Variants in KCNG3 observed in about 807,000 individuals in gnomAD.
KCNG3 encodes the protein voltage-gated potassium channel regulatory subunit KCNG3.
In KCNG3, 15 loss-of-function variants were observed where a neutral mutation model predicts 29.0. The observed-to-expected ratio is 0.52, with a 90% CI of 0.35 to 0.80. KCNG3 has a LOEUF of 0.80. KCNG3 is among the 30% of genes least tolerant of loss of function. The probability of loss-of-function intolerance (pLI) is 0.01; values close to 1 mark genes in which losing one functional copy is unlikely to be tolerated. For synonymous variants in KCNG3, 322 were observed against 248.9 expected, an observed-to-expected ratio of 1.29 and a Z score of -2.76; for missense variants, 512 against 605.7, an observed-to-expected ratio of 0.85 and a Z score of 1.62.
chr2:42,394,815 C>T, the KCNG3 span, among the ~76,000 whole-genome samples: 1 of 152,196 alleles, frequency 6.6e-6, no homozygotes, highest in Admixed American at 6.5e-5. Context: ...GACCTCCTGT[C>T]ACCGGCACAC....
chr2:42,456,798 G>A (rs528210370), intron 1 of KCNG3, among the ~76,000 whole-genome samples: 1 of 152,168 alleles, frequency 6.6e-6, no homozygotes, highest in East Asian at 1.9e-4. Context: ...TTTCTAACAG[G>A]CATGTACAAT....
chr2:42,448,989 C>A (rs1296487910), intron 1 of KCNG3, among the ~76,000 whole-genome samples: 2 of 150,418 alleles, frequency 1.3e-5, no homozygotes, highest in African/African-American at 4.9e-5. Context: ...AAAAAAAAAA[C>A]AAAACAAAAA....
At chr2:42,392,357 A>G in the KCNG3 span, among the ~76,000 whole-genome samples, 1 of 151,994 alleles carries the variant, frequency 6.6e-6, no homozygotes, top group Non-Finnish European at 1.5e-5. Context: ...TACAACCTGA[A>G]ACTTTGGGAT....
downstream of KCNG3, among the ~76,000 whole-genome samples, chr2:42,438,638 T>C (rs1162499102): frequency 6.6e-6 from 1 of 152,208 alleles, no homozygotes; most frequent in Non-Finnish European, 1.5e-5. Flanking sequence ...TCTAAGCAAA[T>C]AGTAGTAAAC....
the KCNG3 span, among the ~76,000 whole-genome samples, chr2:42,418,965 A>T: frequency 1.9e-3 from 285 of 152,288 alleles, no homozygotes; most frequent in Non-Finnish European, 3.5e-3. Context: ...TAGTAATAAC[A>T]GTCCTTTTTG....
At chr2:42,463,855 G>T in intron 1 of KCNG3, 3 of 271,902 alleles carry the variant, frequency 1.1e-5, no homozygotes, top group South Asian at 1.1e-4. Flanking sequence ...TGGCCTCAGT[G>T]TTGGCTGAGC....
chr2:42,403,841 T>TC, the KCNG3 span, among the ~76,000 whole-genome samples: 5 of 151,958 alleles, frequency 3.3e-5, no homozygotes, highest in African/African-American at 7.3e-5. Flanking sequence ...CCTCAAGTGA[T>TC]CCCCCCATCT....
chr2:42,461,867 A>G (rs957848682), intron 1 of KCNG3, among the ~76,000 whole-genome samples: 3 of 152,238 alleles, frequency 2.0e-5, no homozygotes, highest in Non-Finnish European at 2.9e-5. Flanking sequence ...ACAAAAAGTG[A>G]TAACAATTCT....
Position 42,474,338 on chromosome 2 carries a change from G to C in KCNG3, c.665+18499C>G, listed in dbSNP as rs375629923. 9.9e-4 allele frequency among the ~76,000 whole-genome samples: 151 copies of C among 152,122 alleles called. 2 individuals are homozygous for C. The highest frequency in any genetic ancestry group is 3.5e-3 in the African/African-American group (144 of 41,518). The stretch of plus-strand genomic sequence containing the variant: ...AGTTCAGGAGTTCGAGACCAGCCTG[G>C]CCAACGTGGTGAAACCCTGTCTCTA... On this transcript the variant is annotated intron_variant, in intron 1 of 1. Coordinates refer to ENST00000306078, the MANE Select transcript of KCNG3 (RefSeq NM_133329.6).
intron 1 of KCNG3, among the ~76,000 whole-genome samples, chr2:42,467,232 T>C (rs1031909845): frequency 1.3e-5 from 2 of 152,150 alleles, no homozygotes; most frequent in Non-Finnish European, 2.9e-5. Flanking sequence ...AATCTACACT[T>C]TGACATCTAT....
chr2:42,419,220 T>TTTTTTTG, the KCNG3 span, among the ~76,000 whole-genome samples: 1 of 27,456 alleles, frequency 3.6e-5, no homozygotes, highest in Admixed American at 5.5e-4. Context: ...ATGGTATCTC[T>TTTTTTTG]TTTTTTTTTT....
chr2:42,458,283 A>G (rs1672928500), intron 1 of KCNG3, among the ~76,000 whole-genome samples: 1 of 152,122 alleles, frequency 6.6e-6, no homozygotes, highest in Non-Finnish European at 1.5e-5. Flanking sequence ...TTTTCCTGCA[A>G]TCACCTCCAC....
chr2:42,468,589 A>G (rs192187542), intron 1 of KCNG3, among the ~76,000 whole-genome samples: 219 of 152,338 alleles, frequency 1.4e-3, no homozygotes, highest in African/African-American at 5.0e-3. Context: ...TTATTGAAAG[A>G]CATTAAAGAA....
At chr2:42,409,571 G>T in the KCNG3 span, among the ~76,000 whole-genome samples, 1 of 151,570 alleles carries the variant, frequency 6.6e-6, no homozygotes, top group Non-Finnish European at 1.5e-5. Context: ...AGGCATGGTG[G>T]TGTGCACCTG....
Position 42,493,680 on chromosome 2 carries a change from C to T in KCNG3, c.-179G>A. 1 of 430,688 alleles carries T rather than the reference C, an allele frequency of 2.3e-6. No homozygotes were observed. Among genetic ancestry groups the T allele is most frequent in the Non-Finnish European group, 3.8e-6 (1 of 265,390 alleles). 26.7% of individuals were successfully genotyped at this position (430,688 alleles called of 1,614,324 possible). A position where few individuals can be genotyped will look rare whatever the true frequency, so the allele number is the denominator to read the frequency against. On this transcript the variant is annotated 5_prime_UTR_variant, in exon 1 of 2. Coordinates refer to ENST00000306078, the MANE Select transcript of KCNG3 (RefSeq NM_133329.6). ...GGGGGTCCCTGGGCTCGAGTATCTC[C>T]GGCGCTGCTAGTAGCGCGCCCTCCG...
the KCNG3 span, among the ~76,000 whole-genome samples, chr2:42,427,273 AC>A: frequency 1.3e-5 from 2 of 152,180 alleles, no homozygotes; most frequent in Non-Finnish European, 2.9e-5. Flanking sequence ...TATTGATCAA[AC>A]TTAAGCTAAA....
rs565182677 is a variant in KCNG3, at chr2:42,463,748, T to G, written c.666-19169A>C. On this transcript the variant is annotated intron_variant, in intron 1 of 1. Transcript: ENST00000306078. The stretch of plus-strand genomic sequence containing the variant: ...ATGCAAGCTGATCCTCCACGCAATC[T>G]CGGTGCCTGGTGTGCGGTCAGTGTT... The G allele has an allele frequency of 1.4e-3, 273 of 192,300 alleles. 1 individual carries two copies. The highest frequency in any genetic ancestry group is 6.1e-3 in the African/African-American group (257 of 41,814). The allele number at this position is 192,300 out of a possible 1,614,324, so 11.9% of individuals were successfully genotyped here. A position where few individuals can be genotyped will look rare whatever the true frequency, so the allele number is the denominator to read the frequency against.
the KCNG3 span, among the ~76,000 whole-genome samples, chr2:42,395,272 A>G: frequency 2.0e-5 from 3 of 152,204 alleles, no homozygotes; most frequent in East Asian, 5.8e-4. Flanking sequence ...CAGTTCCAAG[A>G]AAGTTGAGTG....
chr2:42,477,386 TATAC>T (rs1673459806), intron 1 of KCNG3, among the ~76,000 whole-genome samples: 1 of 103,398 alleles, frequency 9.7e-6, no homozygotes, highest in Non-Finnish European at 1.8e-5. Flanking sequence ...CACACATATA[TATAC>T]ACACACACAC....
Sources: allele counts gnomAD v4.1 joint callset (sites outside exome capture counted in the v4.1 genomes callset), GRCh38; gene constraint gnomAD v4.1.1; transcripts MANE v1.5; gene names NCBI Gene and HGNC (gene_info 2026-07-23, HGNC 2026-07-21).